SSBP2: variants seen among roughly 807,000 people sequenced by gnomAD.
The protein encoded by SSBP2 is single-stranded DNA-binding protein 2.
In SSBP2, 17 loss-of-function variants were observed where a neutral mutation model predicts 61.8. The ratio of observed to expected loss-of-function variants is 0.28; its 90% CI spans 0.19 to 0.41. SSBP2 has a LOEUF of 0.41. Among genes scored for constraint, SSBP2 ranks in the 10% least tolerant of loss-of-function variants. The probability of loss-of-function intolerance (pLI) is 1.00; values close to 1 mark genes in which losing one functional copy is unlikely to be tolerated. For synonymous variants in SSBP2, 139 were observed against 141.3 expected (o/e 0.98, Z 0.12); for missense variants, 310 against 458.7 (o/e 0.68, Z 2.96).
chr5:81,716,828 T>C (rs1349487208), intron 1 of SSBP2, among the ~76,000 whole-genome samples: 1 of 152,186 alleles, frequency 6.6e-6, no homozygotes, highest in Non-Finnish European at 1.5e-5. Flanking sequence ...AAAAGTGACA[T>C]GAACACATTT....
intron 5 of SSBP2, among the ~76,000 whole-genome samples, chr5:81,494,682 T>A (rs891076388): frequency 1.3e-5 from 2 of 152,192 alleles, no homozygotes; most frequent in Middle Eastern, 6.3e-3. Context: ...TAAATTTCTG[T>A]TGATTAAACT....
intron 8 of SSBP2, among the ~76,000 whole-genome samples, chr5:81,469,678 T>G (rs1161642614): frequency 6.6e-6 from 1 of 152,000 alleles, no homozygotes; most frequent in Non-Finnish European, 1.5e-5. Flanking sequence ...AATGATGAGC[T>G]AGTTCAACTG....
In SSBP2 at chr5:81,419,982, A is replaced by T. The variant is rs1353722163; in HGVS notation, c.*522T>A. 2.0e-5 allele frequency: 3 copies of T among 152,698 alleles called. No individual in the cohort carries two copies. The East Asian group carries it at 5.8e-4, about 29-fold the overall frequency. The allele number at this position is 152,698 out of a possible 1,614,324, so 9.5% of individuals were successfully genotyped here. A position where few individuals can be genotyped will look rare whatever the true frequency, so the allele number is the denominator to read the frequency against. On this transcript the variant is annotated 3_prime_UTR_variant, in exon 17 of 17. Coordinates refer to ENST00000320672, the MANE Select transcript of SSBP2 (RefSeq NM_012446.5). ...ATTTTATTCCTATCCATGATTGCAG[A>T]CATTTACAAAACCATAACATCTGAG... is the stretch of plus-strand genomic sequence containing the variant.
At chr5:81,466,831 T>C (rs1764923192) in intron 9 of SSBP2, 143 bp downstream of exon 9, 2 of 466,430 alleles carry the variant, frequency 4.3e-6, no homozygotes, top group Non-Finnish European at 7.6e-6. Flanking sequence ...ACAGAGACTG[T>C]GGTGCTCAAA....
At chr5:81,686,422 C>A (rs1283241285) in intron 1 of SSBP2, among the ~76,000 whole-genome samples, 2 of 151,946 alleles carry the variant, frequency 1.3e-5, no homozygotes, top group Admixed American at 6.5e-5. Flanking sequence ...TACTTAAATA[C>A]CTAAAATCAA....
chr5:81,699,307 G>A (rs1254564463), intron 1 of SSBP2, among the ~76,000 whole-genome samples: 1 of 152,168 alleles, frequency 6.6e-6, no homozygotes, highest in Non-Finnish European at 1.5e-5. Context: ...TTCCTTGCAG[G>A]AAAGATTTCT....
chr5:81,750,773 C>A, intron 1 of SSBP2: 2 of 595,338 alleles, frequency 3.4e-6, no homozygotes, highest in African/African-American at 3.9e-5. Context: ...CGCCGACAGC[C>A]CCCTGCGGCC....
intron 1 of SSBP2, among the ~76,000 whole-genome samples, chr5:81,698,031 A>T (rs763809948): frequency 1.3e-5 from 2 of 152,106 alleles, no homozygotes; most frequent in Non-Finnish European, 2.9e-5. Context: ...TTTTTTTAAG[A>T]CACTATCTCC....
intron 6 of SSBP2, among the ~76,000 whole-genome samples, chr5:81,486,437 T>C (rs1016242515): frequency 6.6e-6 from 1 of 152,102 alleles, no homozygotes; most frequent in African/African-American, 2.4e-5. Flanking sequence ...AATAATTTTA[T>C]CACATTTTCA....
At chr5:81,714,254 T>C (rs1755021987) in intron 1 of SSBP2, among the ~76,000 whole-genome samples, 1 of 152,232 alleles carries the variant, frequency 6.6e-6, no homozygotes, top group Non-Finnish European at 1.5e-5. Flanking sequence ...TTTTTATGGT[T>C]GTATAGTATT....
intron 4 of SSBP2, among the ~76,000 whole-genome samples, chr5:81,610,951 A>G (rs1328561499): frequency 6.6e-6 from 1 of 152,194 alleles, no homozygotes; most frequent in African/African-American, 2.4e-5. Context: ...CCAAGATCAC[A>G]CCATTGCACT....
chr5:81,561,124 G>A (rs1467913505), intron 4 of SSBP2, among the ~76,000 whole-genome samples: 2 of 152,110 alleles, frequency 1.3e-5, no homozygotes, highest in African/African-American at 4.8e-5. Flanking sequence ...AAAAAAACTA[G>A]AGTAAACTAT....
chr5:81,713,483 C>T (rs970463423), intron 1 of SSBP2, among the ~76,000 whole-genome samples: 1 of 152,166 alleles, frequency 6.6e-6, no homozygotes, highest in Non-Finnish European at 1.5e-5. Flanking sequence ...TTATGTGTTT[C>T]TGCCCATTTG....
At chr5:81,447,918 T>C (rs1763506817) in intron 11 of SSBP2, 1 of 152,222 alleles carries the variant, frequency 6.6e-6, no homozygotes, top group African/African-American at 2.4e-5. Context: ...ACATGAACAC[T>C]GAACACTAAG....
chr5:81,661,336 G>A (rs1750678284), intron 1 of SSBP2, among the ~76,000 whole-genome samples: 1 of 152,078 alleles, frequency 6.6e-6, no homozygotes, highest in African/African-American at 2.4e-5. Flanking sequence ...ATATCTCTCT[G>A]ACATACTGAT....
At chr5:81,435,029 G>C (rs1297560215) in intron 15 of SSBP2, among the ~76,000 whole-genome samples, 1 of 152,164 alleles carries the variant, frequency 6.6e-6, no homozygotes, top group Non-Finnish European at 1.5e-5. Context: ...GGGTCGGCCA[G>C]CTTAGAGCCC....
At chr5:81,502,119 C>G (rs1017867068) in intron 5 of SSBP2, among the ~76,000 whole-genome samples, 1 of 152,102 alleles carries the variant, frequency 6.6e-6, no homozygotes, top group African/African-American at 2.4e-5. Context: ...TCCAATTTCT[C>G]TCCTCTCAGC....
chr5:81,722,749 A>C (rs950500304), intron 1 of SSBP2, among the ~76,000 whole-genome samples: 1 of 152,012 alleles, frequency 6.6e-6, no homozygotes, highest in Non-Finnish European at 1.5e-5. Flanking sequence ...GCCTGGCATA[A>C]TGTGTGCTAC....
chr5:81,626,309 C>A (rs898898955), intron 3 of SSBP2, among the ~76,000 whole-genome samples: 1 of 152,180 alleles, frequency 6.6e-6, no homozygotes, highest in Non-Finnish European at 1.5e-5. Flanking sequence ...AAGTACTATA[C>A]AAGCATCATA....
Sources: allele counts gnomAD v4.1 joint callset (sites outside exome capture counted in the v4.1 genomes callset), GRCh38; gene constraint gnomAD v4.1.1; transcripts MANE v1.5; gene names NCBI Gene and HGNC (gene_info 2026-07-23, HGNC 2026-07-21).